The following SUGCT variants were observed in gnomAD, a reference collection of about 807,000 sequenced individuals.
SUGCT encodes succinyl-CoA:glutarate CoA-transferase.
Under a neutral mutation model 55.0 loss-of-function variants are expected in SUGCT, and 41 were observed. The observed-to-expected ratio is 0.74, with a 90% CI of 0.58 to 0.97. SUGCT has a LOEUF of 0.97. Among genes scored for constraint, SUGCT ranks in the 50% least tolerant of loss-of-function variants. The probability of loss-of-function intolerance (pLI) is 0.00; values close to 1 mark genes in which losing one functional copy is unlikely to be tolerated. For missense variants in SUGCT, 568 were observed against 547.8 expected, an observed-to-expected ratio of 1.04 and a Z score of -0.37; for synonymous variants, 187 against 200.4, an observed-to-expected ratio of 0.93 and a Z score of 0.56.
intron 8 of SUGCT, among the ~76,000 whole-genome samples, chr7:40,305,769 C>T (rs1206747431): frequency 3.9e-5 from 6 of 152,014 alleles, no homozygotes; most frequent in Admixed American, 3.9e-4. Context: ...TCAAACAATC[C>T]TCCCTTCTCA....
At chr7:40,504,236 T>A (rs1243649001) in intron 12 of SUGCT, among the ~76,000 whole-genome samples, 3 of 151,006 alleles carry the variant, frequency 2.0e-5, no homozygotes, top group Non-Finnish European at 2.9e-5. Flanking sequence ...TAGACCTTCT[T>A]CTTTTTTAAA....
intron 11 of SUGCT, among the ~76,000 whole-genome samples, chr7:40,492,239 A>G (rs925708162): frequency 3.3e-5 from 5 of 152,138 alleles, no homozygotes; most frequent in African/African-American, 1.2e-4. Context: ...ACAGATATAT[A>G]AGAGTAATTA....
intron 13 of SUGCT, among the ~76,000 whole-genome samples, chr7:40,818,547 C>T (rs561733746): frequency 6.6e-6 from 1 of 152,140 alleles, no homozygotes; most frequent in Non-Finnish European, 1.5e-5. Flanking sequence ...GTTTTAAAGC[C>T]TGTATCATGG....
intron 12 of SUGCT, among the ~76,000 whole-genome samples, chr7:40,545,876 T>G (rs568306087): frequency 1.6e-4 from 25 of 152,332 alleles, no homozygotes; most frequent in Admixed American, 1.6e-3. Context: ...TGAATGTGAT[T>G]CAAACAATGC....
chr7:40,579,596 A>G (rs1796961257), intron 12 of SUGCT, among the ~76,000 whole-genome samples: 1 of 152,192 alleles, frequency 6.6e-6, no homozygotes, highest in Non-Finnish European at 1.5e-5. Flanking sequence ...AGTCACATCT[A>G]TTTTTATGGA....
chr7:40,636,050 G>A (rs557834823), intron 12 of SUGCT, among the ~76,000 whole-genome samples: 8 of 152,310 alleles, frequency 5.3e-5, no homozygotes, highest in East Asian at 1.9e-4. Flanking sequence ...CATTCACCAC[G>A]ACTGGTTGGT....
intron 9 of SUGCT, among the ~76,000 whole-genome samples, chr7:40,344,603 C>T (rs1012226658): frequency 6.6e-6 from 1 of 152,184 alleles, no homozygotes; most frequent in Non-Finnish European, 1.5e-5. Context: ...CGGAGTTGAG[C>T]AGTTGCAACA....
In SUGCT at chr7:40,176,462, A is replaced by G. The variant is rs1584259909; in HGVS notation, c.101-4485A>G. On this transcript the variant is annotated intron_variant, in intron 1 of 13. Transcript: ENST00000335693. ...AATTTATCTTTTAATTTTTAAAATC[A>G]AAGTTTTAGGTATACTTGGTTTTAA... Among the ~76,000 whole-genome samples the G allele has an allele frequency of 2.0e-5, 3 of 152,260 alleles. No individual in the cohort carries two copies. The South Asian group carries it at 6.2e-4, about 32-fold the overall frequency.
At chr7:40,864,395 G>A (rs771179135), downstream of SUGCT, among the ~76,000 whole-genome samples, 6 of 151,956 alleles carry the variant, frequency 3.9e-5, no homozygotes, top group East Asian at 1.9e-4. Context: ...CAATTGATCC[G>A]CCCACCTCAG....
intron 9 of SUGCT, among the ~76,000 whole-genome samples, chr7:40,443,900 TA>T (rs1788659950): frequency 6.6e-6 from 1 of 152,172 alleles, no homozygotes; most frequent in Non-Finnish European, 1.5e-5. Context: ...AATTTTTGTA[TA>T]AGGTGTAAGG....
At chr7:40,695,622 C>A (rs748419005) in intron 12 of SUGCT, among the ~76,000 whole-genome samples, 36 of 152,278 alleles carry the variant, frequency 2.4e-4, no homozygotes, top group Admixed American at 7.8e-4. Context: ...ATCATAACTA[C>A]AATAGCAAAT....
At chr7:40,696,906 A>G (rs1208544815) in intron 12 of SUGCT, among the ~76,000 whole-genome samples, 1 of 152,204 alleles carries the variant, frequency 6.6e-6, no homozygotes, top group Non-Finnish European at 1.5e-5. Context: ...TCACCCAGAA[A>G]CAACCAAAAT....
the SUGCT span, among the ~76,000 whole-genome samples, chr7:41,008,078 T>C: frequency 6.6e-6 from 1 of 152,170 alleles, no homozygotes; most frequent in Non-Finnish European, 1.5e-5. Context: ...AATCTGGCTG[T>C]GGAGCAATGC....
chr7:41,005,371 C>T, the SUGCT span, among the ~76,000 whole-genome samples: 1 of 152,044 alleles, frequency 6.6e-6, no homozygotes, highest in African/African-American at 2.4e-5. Context: ...GCCCCATCCC[C>T]CCACCCATGA....
intron 6 of SUGCT, among the ~76,000 whole-genome samples, chr7:40,206,233 T>C (rs1786966299): frequency 6.6e-6 from 1 of 152,118 alleles, no homozygotes; most frequent in Admixed American, 6.6e-5. Flanking sequence ...AAAGAAGCAA[T>C]GTTAGATAAG....
intron 13 of SUGCT, among the ~76,000 whole-genome samples, chr7:40,781,519 T>C (rs1402504636): frequency 6.6e-6 from 1 of 152,006 alleles, no homozygotes; most frequent in Non-Finnish European, 1.5e-5. Context: ...CCCTGTATAT[T>C]AGATATATTT....
chr7:40,962,606 CACACAT>C, the SUGCT span, among the ~76,000 whole-genome samples: 3 of 140,756 alleles, frequency 2.1e-5, no homozygotes, highest in Non-Finnish European at 4.7e-5. Flanking sequence ...CACACACACA[CACACAT>C]CAGAAAAATG....
At chr7:40,411,122 G>A (rs1016769139) in intron 9 of SUGCT, among the ~76,000 whole-genome samples, 1 of 152,160 alleles carries the variant, frequency 6.6e-6, no homozygotes, top group Admixed American at 6.5e-5. Context: ...GCTGGGCGCG[G>A]TGGCTCATGC....
At chr7:40,777,674 C>T (rs1023220168) in intron 13 of SUGCT, among the ~76,000 whole-genome samples, 2 of 152,046 alleles carry the variant, frequency 1.3e-5, no homozygotes, top group Non-Finnish European at 2.9e-5. Context: ...GACTGGGCAG[C>T]GCCATGGTTG....
Sources: gnomAD v4.1 joint callset for allele counts (sites outside exome capture counted in the v4.1 genomes callset) on GRCh38, gnomAD v4.1.1 for gene constraint, MANE v1.5 for transcripts, NCBI Gene and HGNC (gene_info 2026-07-23, HGNC 2026-07-21) for gene names.